POLI: variants seen among roughly 807,000 people sequenced by gnomAD.
POLI encodes DNA polymerase iota, also known as RAD30 homolog B.
Under a neutral mutation model 51.6 loss-of-function variants are expected in POLI, and 58 were observed. The ratio of observed to expected loss-of-function variants is 1.12; its 90% confidence interval spans 0.91 to 1.40. The LOEUF (loss-of-function observed/expected upper bound fraction) is 1.40, where lower values mean the gene tolerates loss of function less well. POLI is among the 40% of genes most tolerant of loss of function. The pLI is 0.00. For synonymous variants in POLI, 322 were observed against 299.7 expected (o/e 1.07, Z -0.77); for missense variants, 921 against 871.3 (o/e 1.06, Z -0.72).
chr18:54,286,714 T>TG (rs1021469775), intron 7 of POLI, among the ~76,000 whole-genome samples: 2 of 152,002 alleles, frequency 1.3e-5, no homozygotes, highest in Admixed American at 6.6e-5. Flanking sequence ...GAGGCTGAGG[T>TG]GGGGGGATCA....
chr18:54,272,774 T>C (rs955204007), intron 2 of POLI, among the ~76,000 whole-genome samples: 22 of 151,712 alleles, frequency 1.5e-4, no homozygotes, highest in African/African-American at 5.3e-4. Flanking sequence ...GCCCGACCAG[T>C]AGTGACATGC....
At chr18:54,285,841 G>A (rs2087718915) in intron 7 of POLI, among the ~76,000 whole-genome samples, 1 of 152,050 alleles carries the variant, frequency 6.6e-6, no homozygotes, top group Admixed American at 6.6e-5. Context: ...AGCAGTAAGA[G>A]ATAGAAAAAA....
chr18:54,275,631 T>C (rs1050369913), intron 3 of POLI, among the ~76,000 whole-genome samples: 1 of 152,230 alleles, frequency 6.6e-6, no homozygotes, highest in Non-Finnish European at 1.5e-5. Flanking sequence ...ATTCATCATA[T>C]AGATGAAGAA....
In POLI at chr18:54,272,475, TTTG is replaced by T. The variant is rs200681650; in HGVS notation, c.241+1003_241+1005del. Among the ~76,000 whole-genome samples, 709 of 152,092 alleles carry T rather than the reference TTTG, an allele frequency of 4.7e-3. 7 individuals carry two copies. Among genetic ancestry groups the T allele is most frequent in the African/African-American group, 0.016 (655 of 41,482 alleles). On this transcript the variant is annotated intron_variant, in intron 2 of 9. Coordinates refer to ENST00000579534, the MANE Select transcript of POLI (RefSeq NM_007195.3). ...AACGAAAGTAGTCTTTCATTTTGTT[TTTG>T]TTGTTGTTGTTGAGAAGGGGTCTCA... is the stretch of plus-strand genomic sequence containing the variant.
At position 54,280,715 on chromosome 18, in the gene POLI, A is replaced by T. The variant is rs772609971; in HGVS notation, c.608A>T (p.Gln203Leu). The T allele has an allele frequency of 1.9e-6, 3 of 1,613,636 alleles. No homozygotes were observed. The highest frequency in any genetic ancestry group is 2.5e-6 in the Non-Finnish European group (3 of 1,179,528). Residue 203 changes from glutamine (Q) to leucine (L), a missense_variant, in exon 5 of 10, where the codon CAG becomes CTG. By Grantham distance (113) the Gln-to-Leu change is moderately radical (BLOSUM62 -2). Coordinates refer to ENST00000579534, the MANE Select transcript of POLI (RefSeq NM_007195.3). Reference sequence around the variant, plus strand: ...CACATCAGACTACTTGTTGGATCTCAGATTGCAGCAGAGATGCGGGAAGCC... The same window carrying T: ...CACATCAGACTACTTGTTGGATCTCTGATTGCAGCAGAGATGCGGGAAGCC... ...VLHIRLLVGS[Q>L]IAAEMREAMY...
rs518069 is a variant in POLI, at chr18:54,296,340, C to T, written c.*1873C>T. 62,721 of 984,698 alleles carry T rather than the reference C, an allele frequency of 0.064. 2,118 individuals are homozygous for T. The highest frequency in any genetic ancestry group is 0.089 in the African/African-American group (5,092 of 57,278). 61.0% of individuals were successfully genotyped at this position (984,698 alleles called of 1,614,324 possible). Reference sequence around the variant, plus strand: ...GAATGTACGGGCTATGTCACAGTTACGCTACTTATTTTGTGGTTTTAAGTT... The same window carrying T: ...GAATGTACGGGCTATGTCACAGTTATGCTACTTATTTTGTGGTTTTAAGTT... On this transcript the variant is annotated 3_prime_UTR_variant, in exon 10 of 10. Transcript: ENST00000579534.
rs116590241 is a variant in POLI at position 54,313,162 on chromosome 18, C to T, written c.334-7111C>T. Among the ~76,000 whole-genome samples the T allele has an allele frequency of 2.7e-3, 406 of 152,254 alleles. 3 individuals carry two copies. Among genetic ancestry groups the T allele is most frequent in the African/African-American group, 9.5e-3 (394 of 41,532 alleles). ...GTGGGGGTCCAGTTGCATTCTTCTG[C>T]ATATGGATAGCCAGTTATCCCAGCA... On this transcript the variant is annotated intron_variant, in intron 3 of 4. Coordinates refer to the POLI transcript ENST00000579823.
At chr18:54,269,855 G>C in intron 1 of POLI, 194 bp downstream of exon 1, 1 of 1,333,264 alleles carries the variant, frequency 7.5e-7, no homozygotes, top group Non-Finnish European at 9.5e-7. Context: ...CCCAGCAGGA[G>C]TAGGGTGGGG....
chr18:54,297,965 C>G lies in POLI; in HGVS notation c.*3498C>G. 1.0e-6 allele frequency: 1 copy of G among 981,358 alleles called. No individual in the cohort carries two copies. The highest frequency in any genetic ancestry group is 1.2e-6 in the Non-Finnish European group (1 of 826,282). The allele number at this position is 981,358 out of a possible 1,614,324, so 60.8% of individuals were successfully genotyped here. A position where few individuals can be genotyped will look rare whatever the true frequency, so the allele number is the denominator to read the frequency against. ...CTTAGAGCTGTAGATTTAGAACTGA[C>G]ATCTCTTGAGCTGTTCTAAGATAAT... On this transcript the variant is annotated 3_prime_UTR_variant, in exon 10 of 10. Transcript: ENST00000579534.
At chr18:54,269,512 C>T, upstream of POLI, 4 of 1,502,066 alleles carry the variant, frequency 2.7e-6, no homozygotes, top group Middle Eastern at 1.9e-4. Context: ...CAGGCGGAAG[C>T]GGCCGGAAGT....
rs2088568883 is a variant in POLI at position 54,305,558 on chromosome 18, T to C, written c.334-14715T>C. Among the ~76,000 whole-genome samples the C allele has an allele frequency of 1.6e-5, 2 of 122,762 alleles. 1 individual carries two copies. The highest frequency in any genetic ancestry group is 1.6e-4 in the Admixed American group (2 of 12,292). 80.5% of individuals were successfully genotyped at this position (122,762 alleles called of 152,430 possible). On this transcript the variant is annotated intron_variant, in intron 3 of 4. Transcript: ENST00000579823. ...AGTTCACTCATGATTTGACTCTCTG[T>C]TTGTCTGTTATTGGTGTATATGAAT...
chr18:54,279,241 C>CTTTTTTTTT (rs769828054), intron 4 of POLI, among the ~76,000 whole-genome samples: 2 of 119,116 alleles, frequency 1.7e-5, no homozygotes, highest in African/African-American at 3.3e-5. Context: ...TATGTCTTTT[C>CTTTTTTTTT]TTTTTTTTTT....
Position 54,290,363 on chromosome 18 carries a change from A to G in POLI, c.1199-1470A>G, listed in dbSNP as rs986029623. Among the ~76,000 whole-genome samples the G allele has an allele frequency of 9.7e-4, 148 of 152,264 alleles. 1 individual carries two copies. The highest frequency in any genetic ancestry group is 3.3e-3 in the African/African-American group (136 of 41,554). On this transcript the variant is annotated intron_variant, in intron 8 of 9. Coordinates refer to ENST00000579534, the MANE Select transcript of POLI (RefSeq NM_007195.3). ...GGAGAGGATGTGGAGAAATAGGAAC[A>G]CTTTTACACTGTTGGTGGGAGTGTA... is the stretch of plus-strand genomic sequence containing the variant.
At chr18:54,300,485 GAAGAT>G (rs1389230744), downstream of POLI, among the ~76,000 whole-genome samples, 3 of 151,568 alleles carry the variant, frequency 2.0e-5, no homozygotes, top group East Asian at 5.8e-4. Context: ...AGCCAGTAAA[GAAGAT>G]AAGAAATAGA....
At chr18:54,302,170 A>G (rs1247985370), downstream of POLI, among the ~76,000 whole-genome samples, 2 of 152,216 alleles carry the variant, frequency 1.3e-5, no homozygotes, top group African/African-American at 4.8e-5. Flanking sequence ...ATGTTTATCA[A>G]ATATGATGAT....
intron 3 of POLI, among the ~76,000 whole-genome samples, chr18:54,304,337 C>G (rs1184821835): frequency 1.3e-5 from 2 of 152,230 alleles, no homozygotes; most frequent in Non-Finnish European, 2.9e-5. Flanking sequence ...AATCACCACA[C>G]TGTCATCCAC....
upstream of POLI, chr18:54,269,505 G>T (rs1157712578): frequency 6.7e-7 from 1 of 1,501,488 alleles, no homozygotes; most frequent in South Asian, 1.3e-5. Flanking sequence ...TGGAGACCAG[G>T]CGGAAGCGGC....
rs781058486 is a variant in POLI, at chr18:54,273,962, A to G, written c.278A>G (p.Tyr93Cys). 11 of 1,576,918 alleles carry G rather than the reference A, an allele frequency of 7.0e-6. No homozygotes were observed. Among genetic ancestry groups the G allele is most frequent in the South Asian group, 2.4e-5 (2 of 84,780 alleles). ...QQKYLVVTCN[Y>C]EARKLGVKKL... ...AAATATTTGGTGGTTACCTGCAACTATGAAGCTAGGAAACTTGGAGTTAAG... is the reference window on the plus strand; with the variant it reads ...AAATATTTGGTGGTTACCTGCAACTGTGAAGCTAGGAAACTTGGAGTTAAG... Residue 93 changes from tyrosine (Y) to cysteine (C), a missense_variant, in exon 3 of 10, where the codon TAT becomes TGT. Transcript: ENST00000579534.
At chr18:54,316,096 G>T (rs1212334936) in intron 3 of POLI, among the ~76,000 whole-genome samples, 2 of 151,938 alleles carry the variant, frequency 1.3e-5, no homozygotes, top group South Asian at 2.1e-4. Flanking sequence ...GCTATTTTTT[G>T]TAGAGACAGG....
Sources: gnomAD v4.1 joint callset for allele counts (sites outside exome capture counted in the v4.1 genomes callset) on GRCh38, gnomAD v4.1.1 for gene constraint, MANE v1.5 for transcripts, NCBI Gene and HGNC (gene_info 2026-07-23, HGNC 2026-07-21) for gene names.